Variants in LIPA observed in about 807,000 individuals in gnomAD.
The protein encoded by LIPA is lysosomal acid lipase/cholesteryl ester hydrolase.
A neutral mutation model predicts 40.6 loss-of-function variants in LIPA; 26 were observed. That is an observed-to-expected ratio of 0.64 (90% CI 0.47 to 0.89). The LOEUF is 0.89. LIPA is among the 40% of genes least tolerant of loss of function. The pLI is 0.00. For synonymous variants in LIPA, 188 were observed against 168.4 expected, an observed-to-expected ratio of 1.12 and a Z score of -0.90; for missense variants, 455 against 479.6, an observed-to-expected ratio of 0.95 and a Z score of 0.48.
intron 2 of LIPA, among the ~76,000 whole-genome samples, chr10:89,411,260 G>T (rs910267024): frequency 2.0e-5 from 3 of 151,760 alleles, no homozygotes; most frequent in African/African-American, 7.3e-5. Flanking sequence ...AGGACAGGAC[G>T]GATAGATGGT....
At chr10:89,270,659 C>T (rs781752190) in intron 1 of LIPA, among the ~76,000 whole-genome samples, 7 of 152,212 alleles carry the variant, frequency 4.6e-5, no homozygotes, top group Non-Finnish European at 1.0e-4. Context: ...TCCTGAATAA[C>T]CATAAAGGCT....
intron 1 of LIPA, among the ~76,000 whole-genome samples, chr10:89,280,759 C>T (rs1404624062): frequency 2.0e-5 from 3 of 152,184 alleles, no homozygotes; most frequent in African/African-American, 4.8e-5. Context: ...CCTTCTTCCT[C>T]GTTATTATTC....
chr10:89,358,443 T>C (rs2133590464), intron 2 of LIPA, among the ~76,000 whole-genome samples: 1 of 152,330 alleles, frequency 6.6e-6, no homozygotes, highest in Non-Finnish European at 1.5e-5. Context: ...TTTTAAAAAT[T>C]GACATCAAGT....
intron 2 of LIPA, among the ~76,000 whole-genome samples, chr10:89,352,547 T>C (rs1409796953): frequency 1.3e-5 from 2 of 152,198 alleles, no homozygotes; most frequent in Admixed American, 6.5e-5. Context: ...GCCTGTGGCT[T>C]CTGGTTGGAG....
intron 2 of LIPA, among the ~76,000 whole-genome samples, chr10:89,371,077 C>A (rs992060046): frequency 6.6e-6 from 1 of 152,192 alleles, no homozygotes; most frequent in African/African-American, 2.4e-5. Context: ...CCCCCAGGGG[C>A]AAAATTGCCC....
At chr10:89,313,831 A>C (rs576677022) in intron 1 of LIPA, among the ~76,000 whole-genome samples, 29 of 152,342 alleles carry the variant, frequency 1.9e-4, no homozygotes, top group African/African-American at 6.5e-4. Context: ...TGTGGAACGG[A>C]GGCAAATTTA....
chr10:89,273,731 T>A (rs1843277143), intron 1 of LIPA, among the ~76,000 whole-genome samples: 1 of 152,166 alleles, frequency 6.6e-6, no homozygotes, highest in African/African-American at 2.4e-5. Context: ...GAGCTGTAGG[T>A]CATTTACAGC....
intron 1 of LIPA, among the ~76,000 whole-genome samples, chr10:89,272,758 A>T (rs944978193): frequency 6.6e-6 from 1 of 152,162 alleles, no homozygotes; most frequent in African/African-American, 2.4e-5. Context: ...GCCAGCATCT[A>T]TTATTTTTGG....
intron 9 of LIPA, among the ~76,000 whole-genome samples, chr10:89,215,467 G>A (rs1206513321): frequency 6.6e-6 from 1 of 152,188 alleles, no homozygotes; most frequent in Non-Finnish European, 1.5e-5. Context: ...CTGTCCTCAT[G>A]TTTAAGTCAG....
intron 5 of LIPA, among the ~76,000 whole-genome samples, chr10:89,225,634 C>G (rs1251304565): frequency 6.6e-6 from 1 of 152,194 alleles, no homozygotes; most frequent in East Asian, 1.9e-4. Flanking sequence ...AAATAAACCA[C>G]CAATGATTTC....
upstream of LIPA, among the ~76,000 whole-genome samples, chr10:89,343,605 A>T (rs891552656): frequency 6.6e-6 from 1 of 152,130 alleles, no homozygotes; most frequent in Non-Finnish European, 1.5e-5. Context: ...AGTTCAAAGT[A>T]CTCAGCACAC....
chr10:89,282,852 A>C (rs1376286629), intron 1 of LIPA, among the ~76,000 whole-genome samples: 1 of 152,204 alleles, frequency 6.6e-6, no homozygotes, highest in Non-Finnish European at 1.5e-5. Flanking sequence ...TGCTGCACTT[A>C]AGGAACACAC....
chr10:89,256,149 C>T (rs1312451023), upstream of LIPA, among the ~76,000 whole-genome samples: 17 of 152,268 alleles, frequency 1.1e-4, no homozygotes, highest in African/African-American at 3.9e-4. Flanking sequence ...GACACAAGAG[C>T]CTGCAGAGGT....
chr10:89,283,511 G>T (rs893803102), intron 1 of LIPA, among the ~76,000 whole-genome samples: 1 of 152,064 alleles, frequency 6.6e-6, no homozygotes, highest in African/African-American at 2.4e-5. Context: ...CTAGTCCTGT[G>T]GTCATTTTTA....
At chr10:89,353,018 G>A (rs1035522975) in intron 2 of LIPA, among the ~76,000 whole-genome samples, 2 of 152,116 alleles carry the variant, frequency 1.3e-5, no homozygotes, top group South Asian at 2.1e-4. Context: ...ATGTAAAACT[G>A]CCGATTCACT....
chr10:89,240,499 G>A lies in LIPA; in HGVS notation c.229+5177C>T, dbSNP rs1427343392. ...ATAAATAAATGTTGTAAAAGAAATT[G>A]TATCACCTGCACTTACTATACTGCA... is the stretch of plus-strand genomic sequence containing the variant. On this transcript the variant is annotated intron_variant, in intron 3 of 9. Transcript: ENST00000336233. Among the ~76,000 whole-genome samples the A allele has an allele frequency of 2.6e-5, 4 of 152,252 alleles. No individual in the cohort carries two copies. In the East Asian group the frequency reaches 7.7e-4, roughly 29 times the overall value.
At position 89,223,768 on chromosome 10, in the gene LIPA, G is replaced by A. The variant is rs1043989532; in HGVS notation, c.738C>T (p.His246=). ...QSAFLKWLGT[H]VCTHVILKEL... ...CCTTCAGTATGACATGAGTGCAAAC[G>A]TGGGTACCCAGCCACTTCAAAAACG... The change falls in exon 7 of 10, where the codon CAC becomes CAT. Residue 246 remains histidine (H), a synonymous_variant. Transcript: ENST00000336233. The A allele has an allele frequency of 3.7e-6, 6 of 1,613,500 alleles. No individual in the cohort carries two copies. The African/African-American group carries it at 5.3e-5, about 14-fold the overall frequency.
intron 2 of LIPA, among the ~76,000 whole-genome samples, chr10:89,393,953 TTAAG>T (rs1321933623): frequency 6.6e-6 from 1 of 152,230 alleles, no homozygotes; most frequent in African/African-American, 2.4e-5. Flanking sequence ...TGAATTCGTA[TTAAG>T]TGACAGCCTG....
intron 2 of LIPA, among the ~76,000 whole-genome samples, chr10:89,387,807 T>C (rs945992490): frequency 8.5e-5 from 13 of 152,226 alleles, no homozygotes; most frequent in Non-Finnish European, 1.6e-4. Context: ...TGAATAGATA[T>C]GTAATAAGGT....
Sources: gnomAD v4.1 joint callset for allele counts (sites outside exome capture counted in the v4.1 genomes callset) on GRCh38, gnomAD v4.1.1 for gene constraint, MANE v1.5 for transcripts, NCBI Gene and HGNC (gene_info 2026-07-23, HGNC 2026-07-21) for gene names.